Variants in FAM76B observed in about 807,000 individuals in gnomAD.
FAM76B encodes family with sequence similarity 76 member B.
In FAM76B, 16 loss-of-function variants were observed where a neutral mutation model predicts 51.8. That is an observed-to-expected ratio of 0.31 (90% CI 0.21 to 0.47). The LOEUF (loss-of-function observed/expected upper bound fraction) is 0.47. Among genes scored for constraint, FAM76B ranks in the 20% least tolerant of loss-of-function variants. The pLI is 1.00. For missense variants in FAM76B, 342 were observed against 392.6 expected (o/e 0.87, Z 1.09); for synonymous variants, 166 against 129.5 (o/e 1.28, Z -1.91).
chr11:95,780,548 C>T (rs1316977428), intron 5 of FAM76B, among the ~76,000 whole-genome samples: 4 of 151,924 alleles, frequency 2.6e-5, no homozygotes, highest in African/African-American at 7.2e-5. Flanking sequence ...TACTCCTTTT[C>T]TATTTTACCC....
chr11:95,781,079 C>CTT (rs1242706524), intron 5 of FAM76B, among the ~76,000 whole-genome samples: 1 of 140,022 alleles, frequency 7.1e-6, no homozygotes, highest in African/African-American at 2.6e-5. Flanking sequence ...TGCAGTTGTC[C>CTT]CTTTTTTTTT....
At chr11:95,788,741 G>A in intron 1 of FAM76B, 178 bp from the exon 2 acceptor site, 1 of 1,300,354 alleles carries the variant, frequency 7.7e-7, no homozygotes, top group South Asian at 1.4e-5. Context: ...ATTCCTTAGG[G>A]AAGGCACAGG....
rs1268615778 is a variant in FAM76B at position 95,788,573 on chromosome 11, GACAAT to G, written c.88-15_88-11del. The G allele has an allele frequency of 1.4e-5, 22 of 1,607,692 alleles. No individual in the cohort carries two copies. The highest frequency in any genetic ancestry group is 1.9e-5 in the Non-Finnish European group (22 of 1,175,756). Reference sequence around the variant, plus strand: ...GTGCAATCCGACATTCCTGTAATAAGACAATACATTAGTCAGTATCTTTCTGAAAG... The same window carrying G: ...GTGCAATCCGACATTCCTGTAATAAGACATTAGTCAGTATCTTTCTGAAAG... On this transcript the variant is annotated splice_polypyrimidine_tract_variant and intron_variant, in intron 1 of 9. Coordinates refer to ENST00000358780, the MANE Select transcript of FAM76B (RefSeq NM_144664.5).
At position 95,787,675 on chromosome 11, in the gene FAM76B, T is replaced by A; in HGVS notation, c.156A>T (p.Lys52Asn). 1 of 1,605,400 alleles carries A rather than the reference T, an allele frequency of 6.2e-7. No individual in the cohort carries two copies. The highest frequency in any genetic ancestry group is 1.7e-5 in the Admixed American group (1 of 59,346). Reference sequence around the variant, plus strand: ...CACACTTCTTACAAATTGTGTTAGTTTTGCTGAAAAATAAATTGTATATAG... The same window carrying A: ...CACACTTCTTACAAATTGTGTTAGTATTGCTGAAAAATAAATTGTATATAG... Reference protein sequence around the residue: ...YCRSEFQQESKTNTICKKCAQ... With the variant: ...YCRSEFQQESNTNTICKKCAQ... Residue 52 changes from lysine to asparagine, a missense_variant, in exon 3 of 10, where the codon AAA becomes AAT. Physicochemically the swap from Lys to Asn is moderately conservative, Grantham distance 94. This residue lies in a region of FAM76B where 96 missense variants were observed against 94.7 expected (regional missense o/e 1.01). Coordinates refer to ENST00000358780, the MANE Select transcript of FAM76B (RefSeq NM_144664.5).
chr11:95,783,823 G>T (rs1860408614), intron 4 of FAM76B, among the ~76,000 whole-genome samples: 1 of 152,218 alleles, frequency 6.6e-6, no homozygotes, highest in South Asian at 2.1e-4. Flanking sequence ...TGAAAAATCT[G>T]TGCCACCCAA....
chr11:95,789,626 A>G lies in FAM76B; in HGVS notation c.-148T>C. ...CACCAGGGCCTCGCCGCGAGAGCCC[A>G]GGGCCCCGCGGACGACGCCACCGTC... On this transcript the variant is annotated 5_prime_UTR_variant, in exon 1 of 10. Coordinates refer to ENST00000358780, the MANE Select transcript of FAM76B (RefSeq NM_144664.5). 1 of 598,602 alleles carries G rather than the reference A, an allele frequency of 1.7e-6. No individual in the cohort carries two copies. Among genetic ancestry groups the G allele is most frequent in the Non-Finnish European group, 2.7e-6 (1 of 363,836 alleles). 37.1% of individuals were successfully genotyped at this position (598,602 alleles called of 1,614,324 possible). A position where few individuals can be genotyped will look rare whatever the true frequency, so the allele number is the denominator to read the frequency against.
rs1015267633 is a variant in FAM76B at position 95,789,544 on chromosome 11, A to AGCC, written c.-69_-67dup. Reference sequence around the variant, plus strand: ...GGCGGGGCCCTACGGAGAACCCGAGAGCCGCCGCCGCCCGGGCCGCGGGCT... The same window carrying AGCC: ...GGCGGGGCCCTACGGAGAACCCGAGAGCCGCCGCCGCCGCCCGGGCCGCGGGCT... On this transcript the variant is annotated 5_prime_UTR_variant, in exon 1 of 10. Transcript: ENST00000358780. 7.0e-5 allele frequency: 101 copies of AGCC among 1,452,380 alleles called. No homozygotes were observed. The highest frequency in any genetic ancestry group is 2.3e-4 in the Middle Eastern group (1 of 4,338). 90.0% of individuals were successfully genotyped at this position (1,452,380 alleles called of 1,614,324 possible). A position where few individuals can be genotyped will look rare whatever the true frequency, so the allele number is the denominator to read the frequency against.
chr11:95,772,901 A>C (rs1474897301), intron 9 of FAM76B, among the ~76,000 whole-genome samples: 1 of 151,178 alleles, frequency 6.6e-6, no homozygotes, highest in Admixed American at 6.6e-5. Context: ...TGCAAATCAA[A>C]TAATTTTTTA....
intron 5 of FAM76B, among the ~76,000 whole-genome samples, chr11:95,780,542 C>A (rs1453011992): frequency 6.6e-6 from 1 of 151,834 alleles, no homozygotes; most frequent in African/African-American, 2.4e-5. Context: ...CTGTAATACT[C>A]CTTTTCTATT....
Position 95,789,557 on chromosome 11 carries a change from CG to C in FAM76B, c.-80del. On this transcript the variant is annotated 5_prime_UTR_variant, in exon 1 of 10. Coordinates refer to ENST00000358780, the MANE Select transcript of FAM76B (RefSeq NM_144664.5). ...GGAGAACCCGAGAGCCGCCGCCGCCCGGGCCGCGGGCTCCTCCTCCTCCCCC... is the reference window on the plus strand; with the variant it reads ...GGAGAACCCGAGAGCCGCCGCCGCCCGGCCGCGGGCTCCTCCTCCTCCCCC... The C allele has an allele frequency of 1.5e-6, 2 of 1,320,892 alleles. No homozygotes were observed. The allele number at this position is 1,320,892 out of a possible 1,614,324, so 81.8% of individuals were successfully genotyped here.
At chr11:95,780,475 GAAA>G (rs1860210050) in intron 5 of FAM76B, among the ~76,000 whole-genome samples, 1 of 151,890 alleles carries the variant, frequency 6.6e-6, no homozygotes, top group East Asian at 1.9e-4. Context: ...AAGTTACGCT[GAAA>G]CTATTGAGAA....
chr11:95,779,595 A>C lies in FAM76B; in HGVS notation c.692+12T>G. 1 of 1,597,738 alleles carries C rather than the reference A, an allele frequency of 6.3e-7. No homozygotes were observed. Among genetic ancestry groups the C allele is most frequent in the Non-Finnish European group, 8.5e-7 (1 of 1,172,518 alleles). On this transcript the variant is annotated intron_variant, in intron 7 of 9. Coordinates refer to ENST00000358780, the MANE Select transcript of FAM76B (RefSeq NM_144664.5). ...GTTGAATTTTCATAACACTAAAAGAATTCATTTTTACCTATCTCCATTAGA... is the reference window on the plus strand; with the variant it reads ...GTTGAATTTTCATAACACTAAAAGACTTCATTTTTACCTATCTCCATTAGA...
chr11:95,771,575 G>C lies in FAM76B; in HGVS notation c.1006C>G (p.Leu336Val), dbSNP rs759491549. 6.2e-7 allele frequency: 1 copy of C among 1,605,744 alleles called. No individual in the cohort carries two copies. Among genetic ancestry groups the C allele is most frequent in the South Asian group, 1.1e-5 (1 of 90,740 alleles). ...AAATGACTTTCTCAAGGAGATGTTA[G>C]TATGCTTCCACTTTTGTCAAATTTT... is the stretch of plus-strand genomic sequence containing the variant. ...GKKFDKSGSI[L>V]TSP is the part of the protein sequence containing the mutation. Residue 336 changes from leucine (L) to valine (V), a missense_variant, in exon 10 of 10, where the codon CTA becomes GTA. Physicochemically the swap from Leu to Val is conservative, Grantham distance 32. Around this residue, in one of 3 missense-constraint regions of FAM76B, gnomAD observed 230 missense variants for 257.4 expected, o/e 0.89. Transcript: ENST00000358780.
At chr11:95,786,397 CAA>C (rs1591025916) in intron 3 of FAM76B, 123 bp from the exon 4 acceptor site, 1 of 1,152,884 alleles carries the variant, frequency 8.7e-7, no homozygotes, top group Non-Finnish European at 1.2e-6. Flanking sequence ...TGTTTTCTGT[CAA>C]GTTTGTTGCC....
intron 1 of FAM76B, chr11:95,789,067 G>GA (rs1212250400): frequency 7.1e-7 from 1 of 1,398,938 alleles, no homozygotes; most frequent in Non-Finnish European, 9.4e-7. Context: ...AAACCGAGAT[G>GA]AAAACATCTC....
intron 4 of FAM76B, among the ~76,000 whole-genome samples, 155 bp downstream of exon 4, chr11:95,785,964 A>G (rs1024132609): frequency 6.6e-6 from 1 of 152,252 alleles, no homozygotes; most frequent in African/African-American, 2.4e-5. Context: ...ATGCAAACAA[A>G]GAGAAAACTC....
Position 95,771,615 on chromosome 11 carries a change from T to C in FAM76B, c.966A>G (p.Ala322=). 6.2e-7 allele frequency: 1 copy of C among 1,607,586 alleles called. No individual in the cohort carries two copies. Among genetic ancestry groups the C allele is most frequent in the Non-Finnish European group, 8.5e-7 (1 of 1,175,320 alleles). The change falls in exon 10 of 10, where the codon GCA becomes GCG. Residue 322 remains alanine (A), a synonymous_variant. Coordinates refer to ENST00000358780, the MANE Select transcript of FAM76B (RefSeq NM_144664.5). ...KNRELLKQVA[A]LSKGKKFDKS... ...TGTCAAATTTTTTACCCTTTGATAA[T>C]GCTGCGACCTGTTTGAGTAGTTCTC... is the stretch of plus-strand genomic sequence containing the variant.
At position 95,776,030 on chromosome 11, in the gene FAM76B, G is replaced by C; in HGVS notation, c.829-7C>G. 6.5e-7 allele frequency: 1 copy of C among 1,532,850 alleles called. No homozygotes were observed. Among genetic ancestry groups the C allele is most frequent in the Non-Finnish European group, 8.8e-7 (1 of 1,134,014 alleles). The allele number at this position is 1,532,850 out of a possible 1,614,324, so 95.0% of individuals were successfully genotyped here. A position where few individuals can be genotyped will look rare whatever the true frequency, so the allele number is the denominator to read the frequency against. ...CTGCCTTTAGTTCAGTTAACTGAGA[G>C]ATTAAAGAAAAAATATATGTATATA... On this transcript the variant is annotated splice_polypyrimidine_tract_variant and splice_region_variant and intron_variant, in intron 8 of 9. Coordinates refer to ENST00000358780, the MANE Select transcript of FAM76B (RefSeq NM_144664.5).
intron 1 of FAM76B, 57 bp downstream of exon 1, chr11:95,789,335 C>T: frequency 1.3e-6 from 2 of 1,525,580 alleles, no homozygotes; most frequent in African/African-American, 1.4e-5. Context: ...GGCTACCCGG[C>T]CCCCTCCGGC....
Sources: gnomAD v4.1 joint callset for allele counts (sites outside exome capture counted in the v4.1 genomes callset) on GRCh38, gnomAD v4.1.1 for gene constraint, gnomAD v4.1.1 regional missense constraint, MANE v1.5 for transcripts, NCBI Gene and HGNC (gene_info 2026-07-23, HGNC 2026-07-21) for gene names.